Variants in ALAD observed in about 807,000 individuals in gnomAD.
ALAD encodes the protein aminolevulinate dehydratase, also known as delta-aminolevulinic acid dehydratase.
A neutral mutation model predicts 44.4 loss-of-function variants in ALAD; 20 were observed. The observed-to-expected ratio is 0.45, with a 90% confidence interval of 0.32 to 0.65. The LOEUF (loss-of-function observed/expected upper bound fraction) is 0.65, where lower values mean the gene tolerates loss of function less well. Among genes scored for constraint, ALAD ranks in the 30% least tolerant of loss-of-function variants. ALAD has a pLI of 0.05. For missense variants in ALAD, 323 were observed against 445.7 expected (o/e 0.72, Z 2.48); for synonymous variants, 156 against 167.9 (o/e 0.93, Z 0.55).
chr9:113,398,566 G>A (rs1486979091), intron 1 of ALAD, among the ~76,000 whole-genome samples: 1 of 152,248 alleles, frequency 6.6e-6, no homozygotes, highest in Non-Finnish European at 1.5e-5. Flanking sequence ...TGAATTTTAA[G>A]ATTCAGAGAC....
intron 1 of ALAD, chr9:113,397,535 C>T (rs1376957659): frequency 1.3e-5 from 2 of 151,564 alleles, no homozygotes; most frequent in Non-Finnish European, 2.9e-5. Context: ...TCCAAACAGA[C>T]AATTATTCAG....
rs371873682 is a variant in ALAD at position 113,392,362 on chromosome 9, A to G, written c.114-193T>C. On this transcript the variant is annotated intron_variant, in intron 2 of 11. Transcript: ENST00000409155. ...TGAAATAATAATAGGAACAACAAGAATAACAGTGACAACACTAGCAACTGT... is the reference window on the plus strand; with the variant it reads ...TGAAATAATAATAGGAACAACAAGAGTAACAGTGACAACACTAGCAACTGT... 2.4e-5 allele frequency: 35 copies of G among 1,466,416 alleles called. No individual in the cohort carries two copies. The East Asian group carries it at 5.9e-4, about 25-fold the overall frequency. The allele number at this position is 1,466,416 out of a possible 1,614,324, so 90.8% of individuals were successfully genotyped here.
At chr9:113,391,453 T>G in intron 4 of ALAD, 74 bp downstream of exon 4, 1 of 1,337,738 alleles carries the variant, frequency 7.5e-7, no homozygotes, top group Non-Finnish European at 1.1e-6. Flanking sequence ...ATCCACCCAC[T>G]TTGGCCTCCC....
chr9:113,395,366 T>C (rs1381909675), intron 1 of ALAD, among the ~76,000 whole-genome samples: 2 of 152,144 alleles, frequency 1.3e-5, no homozygotes, highest in African/African-American at 4.8e-5. Flanking sequence ...TTGTCCAGAT[T>C]GCAGTCTCTC....
Position 113,387,935 on chromosome 9 carries a change from C to T in ALAD, c.*365G>A, listed in dbSNP as rs1827446827. The T allele has an allele frequency of 2.6e-5, 9 of 349,048 alleles. No homozygotes were observed. Among genetic ancestry groups the T allele is most frequent in the Non-Finnish European group, 2.2e-5 (4 of 178,934 alleles). 21.6% of individuals were successfully genotyped at this position (349,048 alleles called of 1,614,324 possible). On this transcript the variant is annotated 3_prime_UTR_variant, in exon 12 of 12. Transcript: ENST00000409155. ...CTTCTCAGGCCCCAAGATCCCACTG[C>T]TCTCTTCTTCCCCTAATGCTCCAAG...
At chr9:113,392,004 A>T in intron 3 of ALAD, 115 bp downstream of exon 3, 1 of 1,057,490 alleles carries the variant, frequency 9.5e-7, no homozygotes, top group Non-Finnish European at 1.4e-6. Flanking sequence ...CTACTGAGCT[A>T]ATGTCTGTCT....
intron 7 of ALAD, 112 bp downstream of exon 7, chr9:113,390,293 A>G: frequency 8.9e-7 from 1 of 1,118,708 alleles, no homozygotes; most frequent in Non-Finnish European, 1.3e-6. Flanking sequence ...AAGTGCTGGG[A>G]CTACAGGTGT....
Position 113,399,727 on chromosome 9 carries a change from C to T in ALAD, c.-76+1485G>A, listed in dbSNP as rs1052432442. 2.0e-5 allele frequency among the ~76,000 whole-genome samples: 3 copies of T among 152,168 alleles called. No individual in the cohort carries two copies. The East Asian group carries it at 5.8e-4, about 29-fold the overall frequency. On this transcript the variant is annotated intron_variant, in intron 1 of 11. Transcript: ENST00000409155. ...GGCTATGAGCTTCATGTGCCACCCCCCACCCCTGCAAGTTGTACTATGCTG... is the reference window on the plus strand; with the variant it reads ...GGCTATGAGCTTCATGTGCCACCCCTCACCCCTGCAAGTTGTACTATGCTG...
At chr9:113,388,484 A>G (rs1827471251) in intron 11 of ALAD, 123 bp from the exon 12 acceptor site, 2 of 865,094 alleles carry the variant, frequency 2.3e-6, no homozygotes, top group Non-Finnish European at 3.9e-6. Flanking sequence ...CTGTGGGCAC[A>G]CCACATGAGA....
chr9:113,388,758 G>C (rs923779443), intron 11 of ALAD, among the ~76,000 whole-genome samples: 1 of 152,118 alleles, frequency 6.6e-6, no homozygotes, highest in Admixed American at 6.5e-5. Flanking sequence ...GAAGTGGCTT[G>C]CCCACGTTCT....
chr9:113,400,024 A>G (rs1246922911), intron 1 of ALAD, among the ~76,000 whole-genome samples: 1 of 152,236 alleles, frequency 6.6e-6, no homozygotes, highest in Non-Finnish European at 1.5e-5. Flanking sequence ...AAAGAGAAGA[A>G]TGAGACCCCA....
chr9:113,387,275 A>G lies in ALAD; in HGVS notation c.*1025T>C, dbSNP rs765493168. On this transcript the variant is annotated 3_prime_UTR_variant, in exon 12 of 12. Transcript: ENST00000409155. ...GTCTTAGCTTGATGGCTCACCCTTCAGGTCTAGGCTCAAATGTCAGTCCTT... is the reference window on the plus strand; with the variant it reads ...GTCTTAGCTTGATGGCTCACCCTTCGGGTCTAGGCTCAAATGTCAGTCCTT... 3.9e-5 allele frequency: 6 copies of G among 152,158 alleles called. No individual in the cohort carries two copies. The highest frequency in any genetic ancestry group is 1.3e-4 in the Admixed American group (2 of 15,270). The allele number at this position is 152,158 out of a possible 1,614,324, so 9.4% of individuals were successfully genotyped here.
intron 1 of ALAD, chr9:113,397,350 G>A (rs1827757464): frequency 6.6e-6 from 1 of 152,152 alleles, no homozygotes; most frequent in African/African-American, 2.4e-5. Context: ...AGTCTCTTAG[G>A]CCCCTTTAGC....
chr9:113,391,174 C>G (rs1170405015), intron 4 of ALAD, among the ~76,000 whole-genome samples: 2 of 152,178 alleles, frequency 1.3e-5, no homozygotes, highest in African/African-American at 2.4e-5. Flanking sequence ...AGTGTGGACC[C>G]TCAGTCCACC....
At chr9:113,393,402 C>T in intron 2 of ALAD, 45 bp downstream of exon 2, 1 of 1,498,902 alleles carries the variant, frequency 6.7e-7, no homozygotes, top group Non-Finnish European at 9.3e-7. Context: ...CCAACCCCAA[C>T]CCCAACCAGC....
At position 113,390,680 on chromosome 9, in the gene ALAD, C is replaced by T; in HGVS notation, c.398-4G>A. The T allele has an allele frequency of 6.2e-7, 1 of 1,613,456 alleles. No individual in the cohort carries two copies. Among genetic ancestry groups the T allele is most frequent in the Non-Finnish European group, 8.5e-7 (1 of 1,179,702 alleles). ...GCTCCGTTTTCACTCAGGAGCCCTT[C>T]AGGACAGATGACTGGGTTTTGGGGA... On this transcript the variant is annotated splice_polypyrimidine_tract_variant and splice_region_variant and intron_variant, in intron 5 of 11. Coordinates refer to ENST00000409155, the MANE Select transcript of ALAD (RefSeq NM_000031.6).
At chr9:113,391,099 G>A (rs961473482) in intron 4 of ALAD, among the ~76,000 whole-genome samples, 166 bp from the exon 5 acceptor site, 1 of 152,202 alleles carries the variant, frequency 6.6e-6, no homozygotes, top group Non-Finnish European at 1.5e-5. Flanking sequence ...TGACTTAAGG[G>A]CAAAGACCAC....
At chr9:113,390,563 G>A in intron 6 of ALAD, 30 bp downstream of exon 6, 1 of 1,613,992 alleles carries the variant, frequency 6.2e-7, no homozygotes, top group African/African-American at 1.3e-5. Flanking sequence ...CTGACCCAGA[G>A]GTGCCCATCC....
intron 1 of ALAD, among the ~76,000 whole-genome samples, chr9:113,400,875 G>A (rs1456871340): frequency 1.3e-5 from 2 of 152,154 alleles, no homozygotes; most frequent in Admixed American, 6.5e-5. Flanking sequence ...GCAACGCTTA[G>A]TACAAAACGG....
Sources: gnomAD v4.1 joint callset for allele counts (sites outside exome capture counted in the v4.1 genomes callset) on GRCh38, gnomAD v4.1.1 for gene constraint, MANE v1.5 for transcripts, NCBI Gene and HGNC (gene_info 2026-07-23, HGNC 2026-07-21) for gene names.